Variants in LZTFL1 observed in about 807,000 individuals in gnomAD.
The protein encoded by LZTFL1 is leucine zipper transcription factor like 1, also known as leucine zipper transcription factor-like protein 1.
A neutral mutation model predicts 45.9 loss-of-function variants in LZTFL1; 25 were observed. The ratio of observed to expected loss-of-function variants is 0.54; its 90% confidence interval spans 0.40 to 0.76. The LOEUF (loss-of-function observed/expected upper bound fraction) is 0.76. Among genes scored for constraint, LZTFL1 ranks in the 30% least tolerant of loss-of-function variants. LZTFL1 has a pLI of 0.00. For missense variants in LZTFL1, 277 were observed against 331.1 expected (o/e 0.84, Z 1.27); for synonymous variants, 93 against 117.4 (o/e 0.79, Z 1.35).
intron 2 of LZTFL1, among the ~76,000 whole-genome samples, chr3:45,904,042 T>C (rs1246227252): frequency 6.6e-6 from 1 of 152,218 alleles, no homozygotes; most frequent in Non-Finnish European, 1.5e-5. Context: ...CCAGTGGTGC[T>C]GAGCCTCACA....
chr3:45,863,653 T>A (rs938744395), intron 2 of LZTFL1, among the ~76,000 whole-genome samples: 1 of 152,136 alleles, frequency 6.6e-6, no homozygotes, highest in Non-Finnish European at 1.5e-5. Context: ...CTAATCAATA[T>A]GTAGATGTAA....
intron 2 of LZTFL1, among the ~76,000 whole-genome samples, chr3:45,878,267 C>A (rs1192006538): frequency 6.6e-6 from 1 of 152,208 alleles, no homozygotes. Context: ...AGGCCTGAAG[C>A]TTTCCTCTGG....
chr3:45,911,733 A>T (rs1301872302), intron 2 of LZTFL1, among the ~76,000 whole-genome samples: 3 of 152,246 alleles, frequency 2.0e-5, no homozygotes, highest in African/African-American at 4.8e-5. Context: ...TCATGGCTTT[A>T]TGCCGTTCAG....
At chr3:45,893,375 G>A (rs1234374902) in intron 2 of LZTFL1, among the ~76,000 whole-genome samples, 1 of 152,002 alleles carries the variant, frequency 6.6e-6, no homozygotes, top group South Asian at 2.1e-4. Flanking sequence ...GACTGGTCTC[G>A]AACTCCCAAC....
At chr3:45,868,174 A>C (rs1224364354) in intron 2 of LZTFL1, among the ~76,000 whole-genome samples, 1 of 102,790 alleles carries the variant, frequency 9.7e-6, no homozygotes. Context: ...AAGTATAATA[A>C]AAATATATAT....
intron 2 of LZTFL1, chr3:45,897,433 G>A (rs1002447733): frequency 2.9e-6 from 2 of 695,904 alleles, no homozygotes; most frequent in African/African-American, 3.5e-5. Flanking sequence ...CTTCCAGCAG[G>A]ACACAATGTC....
At chr3:45,880,148 G>A (rs547932083) in intron 2 of LZTFL1, among the ~76,000 whole-genome samples, 27 of 152,334 alleles carry the variant, frequency 1.8e-4, no homozygotes, top group African/African-American at 5.5e-4. Flanking sequence ...TCTGGTGCCT[G>A]CAGAACCAAA....
At position 45,859,418 on chromosome 3, in the gene LZTFL1, C is replaced by T. The variant is rs116729937; in HGVS notation, c.-214-402G>A. 3.3e-3 allele frequency among the ~76,000 whole-genome samples: 496 copies of T among 152,146 alleles called. 6 individuals carry two copies. Among genetic ancestry groups the T allele is most frequent in the Admixed American group, 9.0e-3 (137 of 15,268 alleles). The stretch of plus-strand genomic sequence containing the variant: ...TTTGTTGTTGTTGTTGTAGAGACAG[C>T]GTCTCGCTTTTTTGCCCACGGTGGT... On this transcript the variant is annotated intron_variant, in intron 2 of 4. Transcript: ENST00000472635.
Position 45,823,745 on chromosome 3 carries a change from A to G in LZTFL1, c.*2569T>C, listed in dbSNP as rs753724341. The G allele has an allele frequency of 6.6e-6, 1 of 152,224 alleles. No homozygotes were observed. The highest frequency in any genetic ancestry group is 2.4e-5 in the African/African-American group (1 of 41,450). The allele number at this position is 152,224 out of a possible 1,614,324, so 9.4% of individuals were successfully genotyped here. A position where few individuals can be genotyped will look rare whatever the true frequency, so the allele number is the denominator to read the frequency against. On this transcript the variant is annotated 3_prime_UTR_variant, in exon 10 of 10. Transcript: ENST00000296135. ...GCTTACATGACAATTTATGATTTGA[A>G]TATCTAGTGGCAAAGCTTTGGAACA... is the stretch of plus-strand genomic sequence containing the variant.
At chr3:45,897,849 G>T (rs1702407485) in intron 2 of LZTFL1, among the ~76,000 whole-genome samples, 1 of 151,916 alleles carries the variant, frequency 6.6e-6, no homozygotes, top group African/African-American at 2.4e-5. Flanking sequence ...AGGAGAGCAG[G>T]CTTGCTGGAC....
Position 45,823,871 on chromosome 3 carries a change from A to G in LZTFL1, c.*2443T>C, listed in dbSNP as rs1700600160. ...GGGCTTAAAATTTGAGCATCTCTAT[A>G]AATCTCTTTCAGTTAATCAGAATGG... On this transcript the variant is annotated 3_prime_UTR_variant, in exon 10 of 10. Transcript: ENST00000296135. 6.6e-6 allele frequency: 1 copy of G among 152,220 alleles called. No homozygotes were observed. Among genetic ancestry groups the G allele is most frequent in the Non-Finnish European group, 1.5e-5 (1 of 68,040 alleles). 9.4% of individuals were successfully genotyped at this position (152,220 alleles called of 1,614,324 possible).
Position 45,825,436 on chromosome 3 carries a change from T to C in LZTFL1, c.*878A>G, listed in dbSNP as rs935409723. 1.3e-5 allele frequency: 2 copies of C among 152,228 alleles called. No individual in the cohort carries two copies. Among genetic ancestry groups the C allele is most frequent in the Non-Finnish European group, 2.9e-5 (2 of 68,034 alleles). The allele number at this position is 152,228 out of a possible 1,614,324, so 9.4% of individuals were successfully genotyped here. A position where few individuals can be genotyped will look rare whatever the true frequency, so the allele number is the denominator to read the frequency against. On this transcript the variant is annotated 3_prime_UTR_variant, in exon 10 of 10. Coordinates refer to ENST00000296135, the MANE Select transcript of LZTFL1 (RefSeq NM_020347.4). ...AAACCTCTTGAAAATACAATTATTA[T>C]AGACCCACATAAATAAAGTCTAATC... is the stretch of plus-strand genomic sequence containing the variant.
At chr3:45,869,454 T>C (rs2191030) in intron 2 of LZTFL1, among the ~76,000 whole-genome samples, 129,690 of 152,270 alleles carry the variant, frequency 0.85, 55,756 homozygotes, top group East Asian at 1. Flanking sequence ...AAAACACGGT[T>C]AACGTTTCAA....
At position 45,837,985 on chromosome 3, in the gene LZTFL1, T is replaced by C. The variant is rs1259630913; in HGVS notation, c.70A>G (p.Lys24Glu). The part of the protein sequence containing the change: ...VINYMRFARS[K>E]RGLRLKTVDS... ...ACAGTTTTGAGTCTCAAGCCTCTCTTTGAACGAGCAAAACGCATATAATTA... is the reference window on the plus strand; with the variant it reads ...ACAGTTTTGAGTCTCAAGCCTCTCTCTGAACGAGCAAAACGCATATAATTA... Residue 24 changes from lysine (K) to glutamate (E), a missense_variant, in exon 2 of 10, where the codon AAG (lysine) becomes GAG (glutamate). Lys to Glu is a moderately conservative substitution (Grantham distance 56, BLOSUM62 1). Transcript: ENST00000296135. 6.8e-6 allele frequency: 11 copies of C among 1,613,722 alleles called. No homozygotes were observed. The highest frequency in any genetic ancestry group is 2.2e-5 in the East Asian group (1 of 44,886).
At chr3:45,887,728 T>C (rs983970417) in intron 2 of LZTFL1, among the ~76,000 whole-genome samples, 1 of 152,248 alleles carries the variant, frequency 6.6e-6, no homozygotes, top group African/African-American at 2.4e-5. Flanking sequence ...AGCCTCTTTG[T>C]GTAGGCCTCA....
intron 2 of LZTFL1, among the ~76,000 whole-genome samples, chr3:45,836,017 T>G (rs1315192241): frequency 6.6e-6 from 1 of 152,214 alleles, no homozygotes; most frequent in Non-Finnish European, 1.5e-5. Context: ...TACAAGTAAA[T>G]GCTCAAACAC....
intron 2 of LZTFL1, among the ~76,000 whole-genome samples, chr3:45,864,518 T>C (rs1207603123): frequency 6.6e-6 from 1 of 152,232 alleles, no homozygotes; most frequent in Non-Finnish European, 1.5e-5. Flanking sequence ...GGATTTAATA[T>C]TTGGTTAATA....
Position 45,890,273 on chromosome 3 carries a change from T to TTTATATAAATATATATAAC in LZTFL1, c.-215+22846_-215+22847insGTTATATATATTTATATAA, listed in dbSNP as rs1559421345. ...GGGTATTAGAAATATATATATAACA[T>TTTATATAAATATATATAAC]ATATATATATTTATATAAATATATA... is the stretch of plus-strand genomic sequence containing the variant. On this transcript the variant is annotated intron_variant, in intron 2 of 4. Transcript: ENST00000472635. Among the ~76,000 whole-genome samples the TTTATATAAATATATATAAC allele has an allele frequency of 1.4e-4, 3 of 20,878 alleles. 1 individual carries two copies. Among genetic ancestry groups the TTTATATAAATATATATAAC allele is most frequent in the Non-Finnish European group, 3.5e-4 (3 of 8,496 alleles). The allele number at this position is 20,878 out of a possible 152,430, so 13.7% of individuals were successfully genotyped here. A position where few individuals can be genotyped will look rare whatever the true frequency, so the allele number is the denominator to read the frequency against.
chr3:45,828,342 C>T (rs575909211), intron 8 of LZTFL1, 97 bp downstream of exon 8: 5 of 1,030,746 alleles, frequency 4.9e-6, no homozygotes, highest in African/African-American at 4.8e-5. Context: ...TCTGAATTTG[C>T]AGTTGTCCAA....
Sources: gnomAD v4.1 joint callset for allele counts (sites outside exome capture counted in the v4.1 genomes callset) on GRCh38, gnomAD v4.1.1 for gene constraint, MANE v1.5 for transcripts, NCBI Gene and HGNC (gene_info 2026-07-23, HGNC 2026-07-21) for gene names.